The following CTNNA3 variants were observed in gnomAD, a reference collection of about 807,000 sequenced individuals.
The protein encoded by CTNNA3 is catenin alpha 3.
A neutral mutation model predicts 95.7 loss-of-function variants in CTNNA3; 76 were observed. The ratio of observed to expected loss-of-function variants is 0.79; its 90% CI spans 0.66 to 0.96. The LOEUF is 0.96. Ranked by LOEUF, CTNNA3 falls within the 40% of genes least tolerant of loss-of-function variation. The probability of loss-of-function intolerance (pLI) is 0.00; values close to 1 mark genes in which losing one functional copy is unlikely to be tolerated. For missense variants in CTNNA3, 1,191 were observed against 1,089.8 expected (o/e 1.09, Z -1.31); for synonymous variants, 431 against 374.4 (o/e 1.15, Z -1.74).
intron 7 of CTNNA3, among the ~76,000 whole-genome samples, chr10:67,062,548 T>C (rs1855821391): frequency 6.6e-6 from 1 of 152,134 alleles, no homozygotes; most frequent in Non-Finnish European, 1.5e-5. Flanking sequence ...CGTGTAGATA[T>C]GGGGCATTAA....
chr10:66,873,711 C>T (rs1844503160), intron 7 of CTNNA3, among the ~76,000 whole-genome samples: 1 of 151,978 alleles, frequency 6.6e-6, no homozygotes, highest in Admixed American at 6.6e-5. Context: ...TAGCCATAGG[C>T]AGTATAATGA....
At chr10:66,394,478 A>T (rs932338969) in intron 11 of CTNNA3, among the ~76,000 whole-genome samples, 2 of 150,872 alleles carry the variant, frequency 1.3e-5, no homozygotes, top group Non-Finnish European at 3.0e-5. Context: ...GAGCTTTTTC[A>T]TGTTAATTGT....
Position 67,485,310 on chromosome 10 carries a change from A to G in CTNNA3, c.579+36532T>C, listed in dbSNP as rs370559890. Among the ~76,000 whole-genome samples, 26 of 152,252 alleles carry G rather than the reference A, an allele frequency of 1.7e-4. No homozygotes were observed. In the South Asian group the frequency reaches 5.2e-3, roughly 30 times the overall value. On this transcript the variant is annotated intron_variant, in intron 5 of 17. Transcript: ENST00000433211. ...AGGATAGCAACAAGCTTTCTTGGGG[A>G]CTAGTAGAGGTGGGGACATTGGGAA...
In CTNNA3 at chr10:65,912,797, T is replaced by C. The variant is rs2076959824; in HGVS notation, c.*7533A>G. The C allele has an allele frequency of 6.6e-6, 1 of 152,202 alleles. No homozygotes were observed. The highest frequency in any genetic ancestry group is 2.1e-4 in the South Asian group (1 of 4,830). The allele number at this position is 152,202 out of a possible 1,614,324, so 9.4% of individuals were successfully genotyped here. A position where few individuals can be genotyped will look rare whatever the true frequency, so the allele number is the denominator to read the frequency against. ...TGTCAATGTCATAGGAAAGAGCTTT[T>C]TCTATTTCTGGATAAATATTTCATT... is the stretch of plus-strand genomic sequence containing the variant. On this transcript the variant is annotated 3_prime_UTR_variant, in exon 18 of 18. Coordinates refer to ENST00000433211, the MANE Select transcript of CTNNA3 (RefSeq NM_013266.4).
intron 2 of CTNNA3, among the ~76,000 whole-genome samples, chr10:67,637,286 A>C (rs1449329331): frequency 1.3e-5 from 2 of 152,236 alleles, no homozygotes; most frequent in Admixed American, 6.5e-5. Flanking sequence ...CAAATGAATG[A>C]AATGAAGCAA....
chr10:66,502,036 AAGTATTTTTTT>A (rs777093330), intron 11 of CTNNA3, among the ~76,000 whole-genome samples: 132 of 152,250 alleles, frequency 8.7e-4, no homozygotes, highest in Non-Finnish European at 1.6e-3. Flanking sequence ...TTCAGAATAA[AAGTATTTTTTT>A]AATCTAGCTA....
rs535644622 is a variant in CTNNA3 at position 67,678,588 on chromosome 10, C to T, written c.-6+17412G>A. Reference sequence around the variant, plus strand: ...GAACATATCACCTTAGAGTTCATTACAGTAAAGAAAGAAAACACAAAGCAA... The same window carrying T: ...GAACATATCACCTTAGAGTTCATTATAGTAAAGAAAGAAAACACAAAGCAA... On this transcript the variant is annotated intron_variant, in intron 1 of 17. Transcript: ENST00000433211. 1.6e-4 allele frequency among the ~76,000 whole-genome samples: 24 copies of T among 152,158 alleles called. No homozygotes were observed. The South Asian group carries it at 3.9e-3, about 25-fold the overall frequency.
chr10:66,248,586 G>A (rs1202451183), intron 13 of CTNNA3, among the ~76,000 whole-genome samples: 1 of 152,006 alleles, frequency 6.6e-6, no homozygotes, highest in African/African-American at 2.4e-5. Flanking sequence ...AAAAGAGTAA[G>A]AGTTGCTATA....
At chr10:67,589,171 G>T (rs1842722647) in intron 3 of CTNNA3, among the ~76,000 whole-genome samples, 1 of 152,108 alleles carries the variant, frequency 6.6e-6, no homozygotes, top group South Asian at 2.1e-4. Flanking sequence ...AATGGAAAAT[G>T]AAAGAACTTT....
intron 11 of CTNNA3, among the ~76,000 whole-genome samples, chr10:66,508,603 C>G (rs2131985240): frequency 6.6e-6 from 1 of 152,062 alleles, no homozygotes; most frequent in African/African-American, 2.4e-5. Flanking sequence ...TGGCTATTTT[C>G]CTTTTTTAAA....
At chr10:66,763,327 C>CAG (rs1839679595) in intron 9 of CTNNA3, among the ~76,000 whole-genome samples, 1 of 109,120 alleles carries the variant, frequency 9.2e-6, no homozygotes, top group African/African-American at 3.7e-5. Flanking sequence ...CACACACACA[C>CAG]ACACACACAC....
chr10:66,171,354 C>T (rs2085419576), intron 13 of CTNNA3, among the ~76,000 whole-genome samples: 2 of 151,244 alleles, frequency 1.3e-5, no homozygotes, highest in African/African-American at 2.4e-5. Flanking sequence ...GTGGGTGGAT[C>T]ACCAGAGATG....
chr10:66,930,697 C>T (rs2132637368), intron 7 of CTNNA3, among the ~76,000 whole-genome samples: 1 of 152,138 alleles, frequency 6.6e-6, no homozygotes, highest in Admixed American at 6.5e-5. Context: ...AAAAGCATTC[C>T]TAAAATTCAA....
At position 67,215,481 on chromosome 10, in the gene CTNNA3, G is replaced by A. The variant is rs986278699; in HGVS notation, c.843+4126C>T. 2.0e-5 allele frequency among the ~76,000 whole-genome samples: 3 copies of A among 152,110 alleles called. No individual in the cohort carries two copies. The South Asian group carries it at 6.2e-4, about 31-fold the overall frequency. ...TGTATAAAGTGCAGAAAGAATCTGAGTTTCCTTCTGGCAGATCTCTGGAGG... is the reference window on the plus strand; with the variant it reads ...TGTATAAAGTGCAGAAAGAATCTGAATTTCCTTCTGGCAGATCTCTGGAGG... On this transcript the variant is annotated intron_variant, in intron 6 of 17. Transcript: ENST00000433211.
chr10:67,684,069 C>G (rs1340614468), intron 1 of CTNNA3, among the ~76,000 whole-genome samples: 1 of 152,254 alleles, frequency 6.6e-6, no homozygotes, highest in Non-Finnish European at 1.5e-5. Flanking sequence ...CCGCTGCTGG[C>G]TCAGGTGGCC....
intron 15 of CTNNA3, among the ~76,000 whole-genome samples, chr10:65,994,307 G>T (rs1018832928): frequency 6.6e-6 from 1 of 152,126 alleles, no homozygotes. Flanking sequence ...ACCCTTTAAA[G>T]GAGTCACGAA....
chr10:66,089,355 T>G (rs2081122857), intron 14 of CTNNA3, among the ~76,000 whole-genome samples: 1 of 151,652 alleles, frequency 6.6e-6, no homozygotes, highest in Non-Finnish European at 1.5e-5. Flanking sequence ...TCTCCCTCCC[T>G]TCCTTTGCTC....
intron 13 of CTNNA3, among the ~76,000 whole-genome samples, chr10:66,260,229 C>T (rs1158142580): frequency 6.6e-6 from 1 of 152,142 alleles, no homozygotes; most frequent in East Asian, 1.9e-4. Flanking sequence ...TAGACCCTTT[C>T]ACAAGATAAT....
At chr10:66,775,308 A>G in intron 8 of CTNNA3, 136 bp downstream of exon 8, 1 of 563,822 alleles carries the variant, frequency 1.8e-6, no homozygotes, top group Non-Finnish European at 3.0e-6. Flanking sequence ...ATAAATGTGG[A>G]AAGTATATAT....
Sources: gnomAD v4.1 joint callset for allele counts (sites outside exome capture counted in the v4.1 genomes callset) on GRCh38, gnomAD v4.1.1 for gene constraint, MANE v1.5 for transcripts, NCBI Gene and HGNC (gene_info 2026-07-23, HGNC 2026-07-21) for gene names.